TP53I3: variants seen among roughly 807,000 people sequenced by gnomAD.
TP53I3 encodes the protein quinone oxidoreductase PIG3.
A neutral mutation model predicts 27.7 loss-of-function variants in TP53I3; 32 were observed. The observed-to-expected ratio is 1.16, with a 90% CI of 0.87 to 1.55. The LOEUF is 1.55. Among genes scored for constraint, TP53I3 ranks in the 40% most tolerant of loss-of-function variants. TP53I3 has a pLI of 0.00. For missense variants in TP53I3, 372 were observed against 412.3 expected (o/e 0.90, Z 0.85); for synonymous variants, 138 against 167.8 (o/e 0.82, Z 1.37).
At chr2:24,079,830 T>C (rs1664922207) in intron 3 of TP53I3, among the ~76,000 whole-genome samples, 190 bp from the exon 4 acceptor site, 2 of 152,190 alleles carry the variant, frequency 1.3e-5, no homozygotes, top group African/African-American at 2.4e-5. Context: ...ATGTATGAAG[T>C]TCACCATTTA....
In TP53I3 at chr2:24,079,480, A is replaced by C. The variant is rs373761983; in HGVS notation, c.780T>G (p.Ser260Arg). The C allele has an allele frequency of 3.1e-6, 5 of 1,614,002 alleles. No individual in the cohort carries two copies. The African/African-American group carries it at 6.7e-5, about 22-fold the overall frequency. ...LFSKLLFKRG[S>R]LITSLLRSRD... is the part of the protein sequence containing the mutation. ...TAGACCTCAGCAAACTGGTGATCAG[A>C]CTTCCTCGCTTAAAAAGTAGCTTTG... The change falls in exon 4 of 5, where the codon AGT becomes AGG. Residue 260 changes from serine to arginine, a missense_variant. Coordinates refer to ENST00000238721, the MANE Select transcript of TP53I3 (RefSeq NM_004881.5).
intron 2 of TP53I3, among the ~76,000 whole-genome samples, chr2:24,082,069 A>C (rs1319757689): frequency 6.6e-6 from 1 of 152,102 alleles, no homozygotes. Flanking sequence ...ATCATGGCTC[A>C]CTGCAGCCTT....
intron 1 of TP53I3, among the ~76,000 whole-genome samples, chr2:24,083,590 C>T (rs530719372): frequency 1.4e-4 from 22 of 152,320 alleles, no homozygotes; most frequent in African/African-American, 5.1e-4. Flanking sequence ...TCAAAGTACA[C>T]GTGCCTGGGC....
intron 2 of TP53I3, 78 bp from the exon 3 acceptor site, chr2:24,081,109 A>C: frequency 2.3e-5 from 25 of 1,090,568 alleles, no homozygotes; most frequent in Non-Finnish European, 2.7e-5. Context: ...TATCAAGATC[A>C]CCTGGCCGTT....
In TP53I3 at chr2:24,082,899, A is replaced by G; in HGVS notation, c.392T>C (p.Leu131Pro). The G allele has an allele frequency of 6.2e-7, 1 of 1,607,368 alleles. No individual in the cohort carries two copies. Among genetic ancestry groups the G allele is most frequent in the Non-Finnish European group, 8.5e-7 (1 of 1,176,010 alleles). Reference sequence around the variant, plus strand: ...GGCCTCCTCACCCACAAGATGTAACAGCTGGAAGGCGGTGAGCCAGGCCTC... The same window carrying G: ...GGCCTCCTCACCCACAAGATGTAACGGCTGGAAGGCGGTGAGCCAGGCCTC... The part of the protein sequence containing the change: ...IPEAWLTAFQ[L>P]LHLVGNVQAG... Residue 131 changes from leucine (L) to proline (P), a missense_variant, in exon 2 of 5, where the codon CTG becomes CCG. Transcript: ENST00000238721.
Position 24,077,653 on chromosome 2 carries a change from C to A in TP53I3, c.925G>T (p.Glu309Ter). 1 of 1,613,288 alleles carries A rather than the reference C, an allele frequency of 6.2e-7. No individual in the cohort carries two copies. Among genetic ancestry groups the A allele is most frequent in the Non-Finnish European group, 8.5e-7 (1 of 1,179,550 alleles). The stretch of plus-strand genomic sequence containing the variant: ...ATGTACTTATGGGCCTCCTGGATTT[C>A]GGTCACTGGGTAGATTCTGTCCAGA... Reference protein sequence around the residue: ...PVLDRIYPVTEIQEAHKYMEA... With the variant: ...PVLDRIYPVT Residue 309 changes from glutamate (E) to a stop codon, truncating the protein, a stop_gained, in exon 5 of 5, where the codon GAA becomes TAA. Transcript: ENST00000238721. LOFTEE classifies it high-confidence loss of function. The surrounding 1 kb of genome is among the most constrained non-coding windows in gnomAD (Gnocchi z 5.5).
At position 24,080,162 on chromosome 2, in the gene TP53I3, G is replaced by C. The variant is rs1019333950; in HGVS notation, c.620-522C>G. On this transcript the variant is annotated intron_variant, in intron 3 of 4. Coordinates refer to ENST00000238721, the MANE Select transcript of TP53I3 (RefSeq NM_004881.5). This position sits in a 1 kb window ranked among gnomAD's most constrained non-coding sequence, Gnocchi z 4.7. Reference sequence around the variant, plus strand: ...ACCTGAGGTCAGGAGTTCGAGACCAGCCTGGCCAACATAGTGAAAGCCCGT... The same window carrying C: ...ACCTGAGGTCAGGAGTTCGAGACCACCCTGGCCAACATAGTGAAAGCCCGT... 6.6e-6 allele frequency among the ~76,000 whole-genome samples: 1 copy of C among 152,090 alleles called. No individual in the cohort carries two copies. Among genetic ancestry groups the C allele is most frequent in the Non-Finnish European group, 1.5e-5 (1 of 68,004 alleles).
Position 24,077,499 on chromosome 2 carries a change from G to A in TP53I3, c.*80C>T, listed in dbSNP as rs1664801437. On this transcript the variant is annotated 3_prime_UTR_variant, in exon 5 of 5. Transcript: ENST00000238721. The surrounding 1 kb of genome is among the most constrained non-coding windows in gnomAD (Gnocchi z 5.5). ...CTCTGGAGGAAGCACCGGGTTTCTT[G>A]GCCTGTCTATTGTGAATCTTCTCCA... is the stretch of plus-strand genomic sequence containing the variant. 1.4e-6 allele frequency: 2 copies of A among 1,451,210 alleles called. No homozygotes were observed. The highest frequency in any genetic ancestry group is 1.8e-6 in the Non-Finnish European group (2 of 1,085,984). The allele number at this position is 1,451,210 out of a possible 1,614,324, so 89.9% of individuals were successfully genotyped here.
At position 24,084,272 on chromosome 2, in the gene TP53I3, C is replaced by T. The variant is rs1404625162; in HGVS notation, c.55G>A (p.Glu19Lys). The T allele has an allele frequency of 1.1e-5, 18 of 1,614,154 alleles. No homozygotes were observed. The highest frequency in any genetic ancestry group is 1.5e-5 in the Non-Finnish European group (18 of 1,180,012). The stretch of plus-strand genomic sequence containing the variant: ...TCCCCCGGGCTCGGCTTGGCCACCT[C>T]CTTCACGTAGAGGTTTTCCGGTCCT... ...PGGPENLYVK[E>K]VAKPSPGEGE... Residue 19 changes from glutamate to lysine, a missense_variant, in exon 1 of 5, where the codon GAG (glutamate) becomes AAG (lysine). Glu to Lys is a moderately conservative substitution (Grantham distance 56). Coordinates refer to ENST00000238721, the MANE Select transcript of TP53I3 (RefSeq NM_004881.5). The surrounding 1 kb of genome is among the most constrained non-coding windows in gnomAD (Gnocchi z 8.4).
chr2:24,084,604 G>C lies in TP53I3; in HGVS notation c.-278C>G. ...CACAGATGGGAACGGCGGGAAGTGG[G>C]ATGGCGGTACAGGGCTGGATGCGGC... On this transcript the variant is annotated 5_prime_UTR_variant, in exon 1 of 5. It adds an upstream start codon to the 5' untranslated region. Coordinates refer to ENST00000238721, the MANE Select transcript of TP53I3 (RefSeq NM_004881.5). The surrounding 1 kb of genome is among the most constrained non-coding windows in gnomAD (Gnocchi z 8.4). 2.5e-6 allele frequency: 1 copy of C among 400,910 alleles called. No homozygotes were observed. The highest frequency in any genetic ancestry group is 2.1e-5 in the African/African-American group (1 of 47,530). 24.8% of individuals were successfully genotyped at this position (400,910 alleles called of 1,614,324 possible).
At position 24,077,776 on chromosome 2, in the gene TP53I3, A is replaced by G. The variant is rs1339461745; in HGVS notation, c.817-15T>C. 2 of 1,607,468 alleles carry G rather than the reference A, an allele frequency of 1.2e-6. No individual in the cohort carries two copies. The highest frequency in any genetic ancestry group is 1.7e-6 in the Non-Finnish European group (2 of 1,175,836). On this transcript the variant is annotated splice_polypyrimidine_tract_variant and intron_variant, in intron 4 of 4. Coordinates refer to ENST00000238721, the MANE Select transcript of TP53I3 (RefSeq NM_004881.5). The surrounding 1 kb of genome is among the most constrained non-coding windows in gnomAD (Gnocchi z 5.5). ...ATTTGCTTGTACTAAGACAAGGGAA[A>G]GGAGATCATCAGCCTGGGGAGAGAG...
chr2:24,078,979 G>A (rs1371163171), intron 4 of TP53I3: 1 of 161,296 alleles, frequency 6.2e-6, no homozygotes, highest in Non-Finnish European at 1.4e-5. Context: ...TGAAACTCCT[G>A]GACTCAAGCA....
chr2:24,084,389 G>A lies in TP53I3; in HGVS notation c.-63C>T. On this transcript the variant is annotated 5_prime_UTR_variant, in exon 1 of 5. Transcript: ENST00000238721. The surrounding 1 kb of genome is among the most constrained non-coding windows in gnomAD (Gnocchi z 8.4). ...GACAGGGCAGGGCAGGGCAGGACAG[G>A]ACAGGGCAGGGCAGGACAGGACAGG... is the stretch of plus-strand genomic sequence containing the variant. 2 of 1,332,528 alleles carry A rather than the reference G, an allele frequency of 1.5e-6. No homozygotes were observed. Among genetic ancestry groups the A allele is most frequent in the South Asian group, 2.6e-5 (2 of 76,440 alleles). The allele number at this position is 1,332,528 out of a possible 1,614,324, so 82.5% of individuals were successfully genotyped here.
At chr2:24,082,091 G>T (rs1428515867) in intron 2 of TP53I3, among the ~76,000 whole-genome samples, 1 of 152,118 alleles carries the variant, frequency 6.6e-6, no homozygotes, top group Non-Finnish European at 1.5e-5. Flanking sequence ...ACCTTCCTGG[G>T]CTCAGGTGAT....
chr2:24,084,399 G>A lies in TP53I3; in HGVS notation c.-73C>T. 7 of 1,501,796 alleles carry A rather than the reference G, an allele frequency of 4.7e-6. No individual in the cohort carries two copies. The highest frequency in any genetic ancestry group is 2.1e-4 in the Middle Eastern group (1 of 4,700). The allele number at this position is 1,501,796 out of a possible 1,614,324, so 93.0% of individuals were successfully genotyped here. ...GGCAGGGCAGGACAGGACAGGGCAG[G>A]GCAGGACAGGACAGGGCAGGGGCCG... is the stretch of plus-strand genomic sequence containing the variant. On this transcript the variant is annotated 5_prime_UTR_variant, in exon 1 of 5. Coordinates refer to ENST00000238721, the MANE Select transcript of TP53I3 (RefSeq NM_004881.5). The surrounding 1 kb of genome is among the most constrained non-coding windows in gnomAD (Gnocchi z 8.4).
At chr2:24,079,134 G>A (rs145454015) in intron 4 of TP53I3, 131 of 270,414 alleles carry the variant, frequency 4.8e-4, no homozygotes, top group African/African-American at 2.5e-3. Context: ...GATGAATTCT[G>A]CCTTTGAAAA....
rs1055291716 is a variant in TP53I3, at chr2:24,079,747, A to T, written c.620-107T>A. 4 of 1,072,172 alleles carry T rather than the reference A, an allele frequency of 3.7e-6. No individual in the cohort carries two copies. In the South Asian group the frequency reaches 4.6e-5, roughly 12 times the overall value. The allele number at this position is 1,072,172 out of a possible 1,614,324, so 66.4% of individuals were successfully genotyped here. On this transcript the variant is annotated intron_variant, in intron 3 of 4. Transcript: ENST00000238721. ...AAATACAGATGCAAGTGGTAAATCT[A>T]TAGGTTGGAATTAGAAACACTGCTT...
At chr2:24,079,114 A>G in intron 4 of TP53I3, 1 of 239,202 alleles carries the variant, frequency 4.2e-6, no homozygotes, top group Non-Finnish European at 8.3e-6. Flanking sequence ...GAGACTTTCT[A>G]GCACACTGAG....
chr2:24,077,657 C>T lies in TP53I3; in HGVS notation c.921G>A (p.Val307=), dbSNP rs775944138. 1 of 1,613,930 alleles carries T rather than the reference C, an allele frequency of 6.2e-7. No homozygotes were observed. The highest frequency in any genetic ancestry group is 8.5e-7 in the Non-Finnish European group (1 of 1,179,908). ...LLPVLDRIYP[V]TEIQEAHKYM... The stretch of plus-strand genomic sequence containing the variant: ...ACTTATGGGCCTCCTGGATTTCGGT[C>T]ACTGGGTAGATTCTGTCCAGAACCG... The change falls in exon 5 of 5, where the codon GTG becomes GTA. Residue 307 remains valine (V), a synonymous_variant. Transcript: ENST00000238721. The surrounding 1 kb of genome is among the most constrained non-coding windows in gnomAD (Gnocchi z 5.5).
Sources: gnomAD v4.1 joint callset for allele counts (sites outside exome capture counted in the v4.1 genomes callset) on GRCh38, gnomAD v4.1.1 for gene constraint, Gnocchi (gnomAD v3.1) non-coding constraint, MANE v1.5 for transcripts, NCBI Gene and HGNC (gene_info 2026-07-23, HGNC 2026-07-21) for gene names.